FRRS1: variants seen among roughly 807,000 people sequenced by gnomAD.
The protein encoded by FRRS1 is ferric chelate reductase 1.
A neutral mutation model predicts 70.7 loss-of-function variants in FRRS1; 51 were observed. The observed-to-expected ratio is 0.72, with a 90% CI of 0.58 to 0.91. FRRS1 has a LOEUF of 0.91. Ranked by LOEUF, FRRS1 falls within the 40% of genes least tolerant of loss-of-function variation. The pLI, the probability that FRRS1 is intolerant of heterozygous loss-of-function variation, is 0.00. For synonymous variants in FRRS1, 225 were observed against 238.7 expected, an observed-to-expected ratio of 0.94 and a Z score of 0.53; for missense variants, 672 against 726.0, an observed-to-expected ratio of 0.93 and a Z score of 0.86.
rs145438147 is a variant in FRRS1 at position 99,752,694 on chromosome 1, T to C, written c.-105-3693A>G. On this transcript the variant is annotated intron_variant, in intron 1 of 16. Transcript: ENST00000646001. ...GGGAGGCCAAGTTGGGAGGATCACT[T>C]GAGCCCAGTAGTTCAAGACCAGCCT... is the stretch of plus-strand genomic sequence containing the variant. 4.3e-4 allele frequency among the ~76,000 whole-genome samples: 65 copies of C among 152,286 alleles called. No homozygotes were observed. The East Asian group carries it at 0.011, about 26-fold the overall frequency.
rs777106990 is a variant in FRRS1, at chr1:99,717,472, C to G, written c.1174G>C (p.Ala392Pro). 14 of 1,613,998 alleles carry G rather than the reference C, an allele frequency of 8.7e-6. No homozygotes were observed. The highest frequency in any genetic ancestry group is 1.2e-5 in the Non-Finnish European group (14 of 1,179,986). ...GACCAAACTGGCTTGAAGAACCGGG[C>G]AACCAGTACACCTATGCTAACAGTA... Reference protein sequence around the residue: ...MTTVSIGVLVARFFKPVWSKA... With the variant: ...MTTVSIGVLVPRFFKPVWSKA... Residue 392 changes from alanine to proline, a missense_variant, in exon 11 of 17, where the codon GCC becomes CCC. Physicochemically the swap from Ala to Pro is conservative, Grantham distance 27 (BLOSUM62 -1). Coordinates refer to ENST00000646001, the MANE Select transcript of FRRS1 (RefSeq NM_001361041.2).
chr1:99,734,532 T>C (rs1655554057), intron 7 of FRRS1, among the ~76,000 whole-genome samples: 1 of 152,172 alleles, frequency 6.6e-6, no homozygotes, highest in Non-Finnish European at 1.5e-5. Flanking sequence ...TTTTAACTTT[T>C]ATTGAGGTTT....
chr1:99,735,687 A>G (rs1038500866), intron 7 of FRRS1, among the ~76,000 whole-genome samples: 12 of 152,286 alleles, frequency 7.9e-5, no homozygotes, highest in African/African-American at 2.4e-4. Context: ...AACATTTTTG[A>G]GGAGTACTAT....
chr1:99,765,798 A>C (rs1248519604), intron 1 of FRRS1: 1 of 152,112 alleles, frequency 6.6e-6, no homozygotes, highest in Admixed American at 6.6e-5. Context: ...CAGTATACTC[A>C]GGAGGCTGAA....
chr1:99,741,204 AC>A (rs1655945747), intron 5 of FRRS1, among the ~76,000 whole-genome samples: 1 of 152,200 alleles, frequency 6.6e-6, no homozygotes, highest in Admixed American at 6.5e-5. Flanking sequence ...ATGATGTCAG[AC>A]CCAGGGACAA....
intron 4 of FRRS1, among the ~76,000 whole-genome samples, chr1:99,745,064 G>C (rs1312586599): frequency 6.6e-6 from 1 of 150,458 alleles, no homozygotes; most frequent in Non-Finnish European, 1.5e-5. Flanking sequence ...AATGCAGACA[G>C]AAGTACCCGA....
Position 99,728,556 on chromosome 1 carries a change from T to G in FRRS1, c.943A>C (p.Lys315Gln). Reference sequence around the variant, plus strand: ...CTTGTGTTTAGATCAAATCTATTCTTAACTCCAGGAAGGGTAATGTTTCTT... The same window carrying G: ...CTTGTGTTTAGATCAAATCTATTCTGAACTCCAGGAAGGGTAATGTTTCTT... ...FRRNITLPGV[K>Q]NRFDLNTSYY... Residue 315 changes from lysine (K) to glutamine (Q), a missense_variant, in exon 9 of 17, where the codon AAG (lysine) becomes CAG (glutamine). Lys to Gln is a moderately conservative substitution (Grantham distance 53). Transcript: ENST00000646001. The G allele has an allele frequency of 1.2e-6, 2 of 1,613,140 alleles. No homozygotes were observed. The highest frequency in any genetic ancestry group is 1.7e-6 in the Non-Finnish European group (2 of 1,179,092).
chr1:99,727,604 A>G (rs927585766), intron 9 of FRRS1, among the ~76,000 whole-genome samples: 4 of 152,170 alleles, frequency 2.6e-5, no homozygotes, highest in Admixed American at 2.0e-4. Context: ...GGCTTTTCAC[A>G]ATTTGCCTGT....
intron 1 of FRRS1, among the ~76,000 whole-genome samples, chr1:99,761,222 A>C (rs772166970): frequency 3.3e-5 from 5 of 151,546 alleles, no homozygotes; most frequent in Non-Finnish European, 5.9e-5. Context: ...CACGTATCAG[A>C]CTCAAGCAAT....
At chr1:99,755,229 G>C (rs1198210222) in intron 1 of FRRS1, among the ~76,000 whole-genome samples, 1 of 151,068 alleles carries the variant, frequency 6.6e-6, no homozygotes, top group Non-Finnish European at 1.5e-5. Context: ...AGACCAGCCT[G>C]GGCAACAAGT....
intron 9 of FRRS1, among the ~76,000 whole-genome samples, 158 bp from the exon 10 acceptor site, chr1:99,719,805 T>C (rs1053852962): frequency 4.6e-5 from 7 of 152,022 alleles, no homozygotes; most frequent in African/African-American, 1.7e-4. Flanking sequence ...AAAAGCAACA[T>C]AAAGATATAT....
Position 99,710,823 on chromosome 1 carries a change from T to C in FRRS1, c.1607A>G (p.Tyr536Cys). The change falls in exon 15 of 17, where the codon TAT becomes TGT. Residue 536 changes from tyrosine (Y) to cysteine (C), a missense_variant. Tyr to Cys is a radical substitution (Grantham distance 194, BLOSUM62 -2). Coordinates refer to ENST00000646001, the MANE Select transcript of FRRS1 (RefSeq NM_001361041.2). Reference sequence around the variant, plus strand: ...CAGGTTACCTTTGCGAGAGAGCCGATAAGCATGTACCTCCAGAACAACCTC... The same window carrying C: ...CAGGTTACCTTTGCGAGAGAGCCGACAAGCATGTACCTCCAGAACAACCTC... ...GTEVVLEVHA[Y>C]RLSRKVEILD... 1 of 1,613,962 alleles carries C rather than the reference T, an allele frequency of 6.2e-7. No homozygotes were observed. Among genetic ancestry groups the C allele is most frequent in the Non-Finnish European group, 8.5e-7 (1 of 1,179,918 alleles).
At position 99,746,319 on chromosome 1, in the gene FRRS1, T is replaced by C. The variant is rs12058348; in HGVS notation, c.333+975A>G. On this transcript the variant is annotated intron_variant, in intron 4 of 16. Coordinates refer to ENST00000646001, the MANE Select transcript of FRRS1 (RefSeq NM_001361041.2). Reference sequence around the variant, plus strand: ...TATGGAAGAGAACTCTGATAGAACATCATGAAAGTCTGGAAGGATTACACC... The same window carrying C: ...TATGGAAGAGAACTCTGATAGAACACCATGAAAGTCTGGAAGGATTACACC... Among the ~76,000 whole-genome samples the C allele has an allele frequency of 5.0e-3, 755 of 152,260 alleles. 9 individuals are homozygous for C. The highest frequency in any genetic ancestry group is 0.017 in the African/African-American group (719 of 41,542).
intron 9 of FRRS1, among the ~76,000 whole-genome samples, chr1:99,725,486 T>C (rs1255701717): frequency 1.3e-5 from 2 of 152,198 alleles, no homozygotes; most frequent in South Asian, 4.1e-4. Flanking sequence ...TGCCTATAAA[T>C]GCAGATTCCA....
At position 99,747,387 on chromosome 1, in the gene FRRS1, C is replaced by T. The variant is rs1047142788; in HGVS notation, c.240G>A (p.Ala80=). The T allele has an allele frequency of 3.7e-6, 6 of 1,613,328 alleles. No homozygotes were observed. Among genetic ancestry groups the T allele is most frequent in the Non-Finnish European group, 5.1e-6 (6 of 1,179,442 alleles). The part of the protein sequence containing the change: ...GHPFKGFLLE[A]RNAEDLNGPP... Reference sequence around the variant, plus strand: ...GGCCATTCAGATCCTCAGCATTACGCGCTTCTAGGAGAAAGCCTTTAAATG... The same window carrying T: ...GGCCATTCAGATCCTCAGCATTACGTGCTTCTAGGAGAAAGCCTTTAAATG... Residue 80 remains alanine, a synonymous_variant, in exon 4 of 17, where the codon GCG becomes GCA. Coordinates refer to ENST00000646001, the MANE Select transcript of FRRS1 (RefSeq NM_001361041.2).
chr1:99,742,114 A>G, intron 5 of FRRS1, 65 bp downstream of exon 5: 1 of 1,023,320 alleles, frequency 9.8e-7, no homozygotes, highest in Non-Finnish European at 1.5e-6. Flanking sequence ...TTGGCATCCC[A>G]AAGTGCTGGG....
At chr1:99,715,466 A>C (rs1654471467) in intron 12 of FRRS1, 120 bp downstream of exon 12, 1 of 640,738 alleles carries the variant, frequency 1.6e-6, no homozygotes, top group Non-Finnish European at 2.8e-6. Context: ...ATGATTCAAA[A>C]GGGAAAGAAA....
At chr1:99,722,503 T>A (rs1654885323) in intron 9 of FRRS1, among the ~76,000 whole-genome samples, 1 of 152,112 alleles carries the variant, frequency 6.6e-6, no homozygotes, top group Non-Finnish European at 1.5e-5. Context: ...TCAAATCAGT[T>A]ATATATTAAG....
intron 7 of FRRS1, among the ~76,000 whole-genome samples, chr1:99,735,124 G>A (rs72958512): frequency 0.015 from 2,342 of 152,218 alleles, 56 homozygotes; most frequent in African/African-American, 0.053. Flanking sequence ...CATACAACAT[G>A]GCCAATATTC....
Sources: allele counts gnomAD v4.1 joint callset (sites outside exome capture counted in the v4.1 genomes callset), GRCh38; gene constraint gnomAD v4.1.1; transcripts MANE v1.5; gene names NCBI Gene and HGNC (gene_info 2026-07-23, HGNC 2026-07-21).